HNMT: variants seen among roughly 807,000 people sequenced by gnomAD.
HNMT encodes the protein histamine N-methyltransferase.
A neutral mutation model predicts 32.1 loss-of-function variants in HNMT; 30 were observed. The observed-to-expected ratio is 0.93, with a 90% CI of 0.70 to 1.27. The LOEUF is 1.27. Among genes scored for constraint, HNMT ranks in the 50% most tolerant of loss-of-function variants. HNMT has a pLI of 0.00. For missense variants in HNMT, 327 were observed against 346.0 expected, an observed-to-expected ratio of 0.95 and a Z score of 0.43; for synonymous variants, 125 against 119.0, an observed-to-expected ratio of 1.05 and a Z score of -0.33.
At chr2:138,000,299 C>G (rs1244868102) in intron 2 of HNMT, among the ~76,000 whole-genome samples, 1 of 152,114 alleles carries the variant, frequency 6.6e-6, no homozygotes, top group Non-Finnish European at 1.5e-5. Context: ...GGCATCATCT[C>G]TCGTCCTCTC....
At position 138,012,598 on chromosome 2, in the gene HNMT, G is replaced by A. The variant is rs973981189; in HGVS notation, c.524-1177G>A. Reference sequence around the variant, plus strand: ...GTTAAAGATTCTTGTCTGAATTCCAGACTAACAACTACCTTCCTCATATCA... The same window carrying A: ...GTTAAAGATTCTTGTCTGAATTCCAAACTAACAACTACCTTCCTCATATCA... On this transcript the variant is annotated intron_variant, in intron 5 of 5. Transcript: ENST00000280097. 3.9e-5 allele frequency among the ~76,000 whole-genome samples: 6 copies of A among 152,156 alleles called. No homozygotes were observed. The East Asian group carries it at 1.2e-3, about 29-fold the overall frequency.
At chr2:137,974,289 T>C (rs1000320719) in intron 2 of HNMT, among the ~76,000 whole-genome samples, 1 of 152,180 alleles carries the variant, frequency 6.6e-6, no homozygotes, top group Non-Finnish European at 1.5e-5. Context: ...GAAGTATTCA[T>C]GTTGTTAATT....
chr2:137,981,636 C>A, intron 2 of HNMT: 1 of 480,306 alleles, frequency 2.1e-6, no homozygotes, highest in South Asian at 3.4e-5. Flanking sequence ...AATAACTTCA[C>A]TTTCTTGAGT....
At chr2:137,996,199 G>C (rs1031702480) in intron 2 of HNMT, among the ~76,000 whole-genome samples, 3 of 152,122 alleles carry the variant, frequency 2.0e-5, no homozygotes, top group South Asian at 2.1e-4. Flanking sequence ...ACAAATAAAA[G>C]GTATTCAAAT....
chr2:138,014,003 A>G lies in HNMT; in HGVS notation c.752A>G (p.Asn251Ser). The G allele has an allele frequency of 6.2e-7, 1 of 1,613,750 alleles. No individual in the cohort carries two copies. Among genetic ancestry groups the G allele is most frequent in the Non-Finnish European group, 8.5e-7 (1 of 1,179,792 alleles). ...WDFLTETCNF[N>S]ATAPPDLRAE... ...TTTTTGACTGAAACCTGCAACTTTA[A>G]TGCCACAGCACCACCTGATCTCAGA... Residue 251 changes from asparagine (N) to serine (S), a missense_variant, in exon 6 of 6, where the codon AAT (asparagine) becomes AGT (serine). By Grantham distance (46) the Asn-to-Ser change is conservative (BLOSUM62 1). Coordinates refer to ENST00000280097, the MANE Select transcript of HNMT (RefSeq NM_006895.3).
rs187756514 is a variant in HNMT, at chr2:137,973,039, A to G, written c.190+2822A>G. On this transcript the variant is annotated intron_variant, in intron 2 of 5. Transcript: ENST00000280097. The stretch of plus-strand genomic sequence containing the variant: ...AGCCCTAATAATGTATTAATAACAA[A>G]CTCCACCTTGGGGAGAATGTGGGTG... Among the ~76,000 whole-genome samples, 205 of 152,134 alleles carry G rather than the reference A, an allele frequency of 1.3e-3. 1 individual carries two copies. Among genetic ancestry groups the G allele is most frequent in the African/African-American group, 4.7e-3 (195 of 41,506 alleles).
At chr2:137,985,776 A>G (rs1415553212) in intron 2 of HNMT, among the ~76,000 whole-genome samples, 1 of 152,200 alleles carries the variant, frequency 6.6e-6, no homozygotes, top group Non-Finnish European at 1.5e-5. Flanking sequence ...TCAGTATACT[A>G]ACATTTACTA....
chr2:138,002,006 A>T lies in HNMT; in HGVS notation c.299-58A>T, dbSNP rs533404014. 86 of 1,350,010 alleles carry T rather than the reference A, an allele frequency of 6.4e-5. No individual in the cohort carries two copies. In the South Asian group the frequency reaches 1.4e-3, roughly 22 times the overall value. The allele number at this position is 1,350,010 out of a possible 1,614,324, so 83.6% of individuals were successfully genotyped here. A position where few individuals can be genotyped will look rare whatever the true frequency, so the allele number is the denominator to read the frequency against. On this transcript the variant is annotated intron_variant, in intron 3 of 5. Transcript: ENST00000280097. ...GATTGCATTAAAATTCTAAATGGAA[A>T]TGGTTTCCACATTTGCAATTAAAAT...
At chr2:138,000,242 G>A (rs1681119785) in intron 2 of HNMT, among the ~76,000 whole-genome samples, 2 of 152,092 alleles carry the variant, frequency 1.3e-5, no homozygotes, top group South Asian at 4.1e-4. Context: ...TACCCTGGGA[G>A]TGACAGAGTT....
chr2:137,996,702 A>G (rs918884325), intron 2 of HNMT, among the ~76,000 whole-genome samples: 5 of 152,122 alleles, frequency 3.3e-5, no homozygotes, highest in African/African-American at 1.2e-4. Flanking sequence ...AAAGAAGACC[A>G]CATATAGCCA....
At chr2:138,011,417 T>G (rs1201148994) in intron 5 of HNMT, among the ~76,000 whole-genome samples, 2 of 152,120 alleles carry the variant, frequency 1.3e-5, no homozygotes, top group African/African-American at 4.8e-5. Flanking sequence ...TTCCACCTTC[T>G]CCTAGAGCAT....
At chr2:137,993,869 C>T (rs1292124945) in intron 2 of HNMT, among the ~76,000 whole-genome samples, 1 of 152,040 alleles carries the variant, frequency 6.6e-6, no homozygotes, top group Non-Finnish European at 1.5e-5. Context: ...CAATATTCAA[C>T]ATTCTTAAAG....
chr2:137,966,696 T>C (rs1679968376), intron 1 of HNMT, among the ~76,000 whole-genome samples: 1 of 152,200 alleles, frequency 6.6e-6, no homozygotes, highest in South Asian at 2.1e-4. Context: ...TAATCTCCTC[T>C]CAATATATGC....
chr2:138,007,096 G>C (rs1458441427), intron 5 of HNMT, among the ~76,000 whole-genome samples: 1 of 152,004 alleles, frequency 6.6e-6, no homozygotes, highest in Non-Finnish European at 1.5e-5. Context: ...ACATTTGACA[G>C]ATGATTAAAG....
chr2:137,984,434 G>A (rs565925863), intron 2 of HNMT, among the ~76,000 whole-genome samples: 17 of 152,180 alleles, frequency 1.1e-4, no homozygotes, highest in African/African-American at 4.1e-4. Flanking sequence ...ATATTGTATT[G>A]CCATTTTAAT....
In HNMT at chr2:137,978,270, G is replaced by A. The variant is rs115211860; in HGVS notation, c.190+8053G>A. Among the ~76,000 whole-genome samples, 1,197 of 148,036 alleles carry A rather than the reference G, an allele frequency of 8.1e-3. 23 individuals carry two copies. Among genetic ancestry groups the A allele is most frequent in the African/African-American group, 0.028 (1,138 of 40,544 alleles). ...GTGAATTTTAAGTATATTTATATACGTATATATTAACTATACTACAGTTAT... is the reference window on the plus strand; with the variant it reads ...GTGAATTTTAAGTATATTTATATACATATATATTAACTATACTACAGTTAT... On this transcript the variant is annotated intron_variant, in intron 2 of 5. Transcript: ENST00000280097.
intron 2 of HNMT, chr2:137,981,563 G>T: frequency 1.7e-6 from 1 of 574,370 alleles, no homozygotes; most frequent in Non-Finnish European, 3.1e-6. Context: ...TCACTGCTAC[G>T]TCTCCAATGG....
At chr2:137,972,175 G>A (rs946344380) in intron 2 of HNMT, among the ~76,000 whole-genome samples, 14 of 152,178 alleles carry the variant, frequency 9.2e-5, no homozygotes, top group African/African-American at 3.4e-4. Context: ...CATGATCTTG[G>A]CTCACTGCAA....
At chr2:138,002,037 G>C in intron 3 of HNMT, 27 bp from the exon 4 acceptor site, 1 of 1,483,078 alleles carries the variant, frequency 6.7e-7, no homozygotes, top group Non-Finnish European at 9.0e-7. Flanking sequence ...AAAATTGATG[G>C]TGTGTCACCT....
Sources: gnomAD v4.1 joint callset for allele counts (sites outside exome capture counted in the v4.1 genomes callset) on GRCh38, gnomAD v4.1.1 for gene constraint, MANE v1.5 for transcripts, NCBI Gene and HGNC (gene_info 2026-07-23, HGNC 2026-07-21) for gene names.